Variants in TECRL observed in about 807,000 individuals in gnomAD.
TECRL encodes the protein trans-2,3-enoyl-CoA reductase-like.
TECRL carries 63 observed loss-of-function variants against 52.8 expected under a neutral mutation model. That is an observed-to-expected ratio of 1.19 (90% CI 0.97 to 1.47). TECRL has a LOEUF of 1.47. Ranked by LOEUF, TECRL falls within the 40% of genes most tolerant of loss-of-function variation. The pLI is 0.00. For missense variants in TECRL, 482 were observed against 429.6 expected, an observed-to-expected ratio of 1.12 and a Z score of -1.08; for synonymous variants, 164 against 141.9, an observed-to-expected ratio of 1.16 and a Z score of -1.10.
At chr4:64,308,800 G>A (rs940345346) in intron 6 of TECRL, among the ~76,000 whole-genome samples, 5 of 152,022 alleles carry the variant, frequency 3.3e-5, no homozygotes, top group African/African-American at 1.2e-4. Flanking sequence ...TGCTCCACTT[G>A]TACTAATATT....
At chr4:64,367,219 C>T (rs569084551) in intron 2 of TECRL, among the ~76,000 whole-genome samples, 29 of 144,680 alleles carry the variant, frequency 2.0e-4, no homozygotes, top group Admixed American at 5.8e-4. Flanking sequence ...GAACAATAGA[C>T]ACTGGAGCCT....
intron 2 of TECRL, among the ~76,000 whole-genome samples, chr4:64,352,950 C>G (rs944609599): frequency 6.6e-6 from 1 of 152,062 alleles, no homozygotes; most frequent in Non-Finnish European, 1.5e-5. Context: ...ACATTTTGAG[C>G]TCAAGTGATA....
intron 9 of TECRL, 34 bp from the exon 10 acceptor site, chr4:64,281,593 T>C: frequency 1.7e-6 from 2 of 1,175,760 alleles, no homozygotes; most frequent in South Asian, 2.6e-5. Flanking sequence ...TCAATGATGC[T>C]ACACATTGCA....
intron 1 of TECRL, among the ~76,000 whole-genome samples, chr4:64,391,184 C>G (rs575023696): frequency 6.6e-6 from 1 of 151,694 alleles, no homozygotes; most frequent in African/African-American, 2.4e-5. Context: ...GTCTGAAATT[C>G]TAAAAAAAGT....
intron 1 of TECRL, among the ~76,000 whole-genome samples, chr4:64,384,693 C>A (rs1473079659): frequency 2.0e-5 from 3 of 152,082 alleles, no homozygotes; most frequent in Non-Finnish European, 4.4e-5. Context: ...TCTCAGGCCC[C>A]CTGATGGTGT....
intron 4 of TECRL, among the ~76,000 whole-genome samples, chr4:64,317,147 A>G (rs911057664): frequency 2.6e-5 from 4 of 152,140 alleles, no homozygotes; most frequent in East Asian, 1.9e-4. Context: ...GCGTGGTGGC[A>G]GGTGCCTGGA....
At chr4:64,290,781 G>A (rs930112389) in intron 8 of TECRL, among the ~76,000 whole-genome samples, 1 of 152,030 alleles carries the variant, frequency 6.6e-6, no homozygotes, top group South Asian at 2.1e-4. Flanking sequence ...ATCTAGAACT[G>A]TTAGGTAAAA....
At chr4:64,364,084 A>C (rs942294390) in intron 2 of TECRL, among the ~76,000 whole-genome samples, 1 of 152,144 alleles carries the variant, frequency 6.6e-6, no homozygotes, top group South Asian at 2.1e-4. Context: ...CAAAATAAAA[A>C]TAGAAATCAA....
chr4:64,374,054 T>TATATATATATAGTAGATAC (rs1360653348), intron 2 of TECRL, among the ~76,000 whole-genome samples: 60 of 21,682 alleles, frequency 2.8e-3, no homozygotes, highest in Admixed American at 6.6e-3. Flanking sequence ...AGTAGATACA[T>TATATATATATAGTAGATAC]ATATATATAT....
At chr4:64,357,357 G>A (rs952323628) in intron 2 of TECRL, among the ~76,000 whole-genome samples, 1 of 151,356 alleles carries the variant, frequency 6.6e-6, no homozygotes, top group African/African-American at 2.4e-5. Context: ...GAGAATGTTT[G>A]GTATTCAAGT....
At chr4:64,329,747 C>A (rs1718501227) in intron 2 of TECRL, among the ~76,000 whole-genome samples, 1 of 151,690 alleles carries the variant, frequency 6.6e-6, no homozygotes, top group South Asian at 2.1e-4. Flanking sequence ...GCTTTGATTA[C>A]AACTTTTCAA....
intron 2 of TECRL, among the ~76,000 whole-genome samples, chr4:64,364,144 C>T (rs1314014852): frequency 6.6e-6 from 1 of 151,964 alleles, no homozygotes; most frequent in Non-Finnish European, 1.5e-5. Flanking sequence ...ATTAAACAAT[C>T]TGCTCCTGAA....
intron 6 of TECRL, among the ~76,000 whole-genome samples, chr4:64,306,065 G>A (rs1391734841): frequency 6.6e-6 from 1 of 152,124 alleles, no homozygotes; most frequent in East Asian, 1.9e-4. Flanking sequence ...GGATTGCTCA[G>A]GATCATGGGA....
intron 2 of TECRL, among the ~76,000 whole-genome samples, chr4:64,334,367 T>G (rs1009496880): frequency 3.9e-5 from 6 of 152,186 alleles, no homozygotes; most frequent in Non-Finnish European, 8.8e-5. Context: ...TTCTTTGCAG[T>G]CTTGTAAATG....
chr4:64,325,985 C>A (rs533951387), intron 3 of TECRL, among the ~76,000 whole-genome samples: 3 of 152,062 alleles, frequency 2.0e-5, no homozygotes, highest in Admixed American at 6.6e-5. Flanking sequence ...TATATAGGGC[C>A]AAGAGGACAG....
At chr4:64,346,491 T>C (rs1719996311) in intron 2 of TECRL, among the ~76,000 whole-genome samples, 1 of 152,258 alleles carries the variant, frequency 6.6e-6, no homozygotes, top group African/African-American at 2.4e-5. Context: ...TCTGTGTACC[T>C]GCAGGCTCAA....
At chr4:64,287,192 C>T (rs1723122432) in intron 9 of TECRL, among the ~76,000 whole-genome samples, 1 of 152,054 alleles carries the variant, frequency 6.6e-6, no homozygotes. Context: ...TTTTAACTCA[C>T]AGTACACTTC....
At chr4:64,285,950 C>A (rs529084287) in intron 9 of TECRL, among the ~76,000 whole-genome samples, 1 of 152,246 alleles carries the variant, frequency 6.6e-6, no homozygotes, top group Non-Finnish European at 1.5e-5. Context: ...AAAACCTCCT[C>A]TGTTTCCAGA....
chr4:64,392,584 C>A (rs1312904777), intron 1 of TECRL, among the ~76,000 whole-genome samples: 3 of 151,840 alleles, frequency 2.0e-5, no homozygotes, highest in Non-Finnish European at 2.9e-5. Context: ...AATTTTAAGG[C>A]TTATAAAGTA....
Sources: gnomAD v4.1 joint callset for allele counts (sites outside exome capture counted in the v4.1 genomes callset) on GRCh38, gnomAD v4.1.1 for gene constraint, MANE v1.5 for transcripts, NCBI Gene and HGNC (gene_info 2026-07-23, HGNC 2026-07-21) for gene names.